Variants in CCL24 observed in about 807,000 individuals in gnomAD.
CCL24 encodes C-C motif chemokine 24.
Under a neutral mutation model 8.6 loss-of-function variants are expected in CCL24, and 6 were observed. The observed-to-expected ratio is 0.70, with a 90% CI of 0.38 to 1.38. The LOEUF (loss-of-function observed/expected upper bound fraction) is 1.38, where lower values mean the gene tolerates loss of function less well. Among genes scored for constraint, CCL24 ranks in the 40% most tolerant of loss-of-function variants. The probability of loss-of-function intolerance (pLI) is 0.02; values close to 1 mark genes in which losing one functional copy is unlikely to be tolerated. For missense variants in CCL24, 126 were observed against 147.1 expected (o/e 0.86, Z 0.74); for synonymous variants, 59 against 52.7 (o/e 1.12, Z -0.52).
intron 2 of CCL24, among the ~76,000 whole-genome samples, chr7:75,812,899 C>G (rs1246433011): frequency 1.3e-5 from 2 of 151,398 alleles, no homozygotes; most frequent in Admixed American, 1.3e-4. Context: ...CACTGCACTC[C>G]AGCTTGGGTG....
At position 75,811,641 on chromosome 7, in the gene CCL24, C is replaced by T; in HGVS notation, c.*155G>A. 1 of 646,114 alleles carries T rather than the reference C, an allele frequency of 1.5e-6. No homozygotes were observed. The highest frequency in any genetic ancestry group is 2.6e-6 in the Non-Finnish European group (1 of 391,410). The allele number at this position is 646,114 out of a possible 1,614,324, so 40.0% of individuals were successfully genotyped here. ...GCCCCCGGGAACCACATCACCTGCT[C>T]CCTCGGGTTTTTCATAGAAGAGACA... On this transcript the variant is annotated 3_prime_UTR_variant, in exon 3 of 3. Transcript: ENST00000222902.
intron 1 of CCL24, among the ~76,000 whole-genome samples, chr7:75,819,620 G>A (rs1390501990): frequency 2.6e-5 from 4 of 151,620 alleles, no homozygotes; most frequent in South Asian, 2.1e-4. Context: ...AAAAGAAGGG[G>A]GCTGTCATCT....
chr7:75,815,089 A>G (rs782383973), upstream of CCL24, among the ~76,000 whole-genome samples: 1 of 152,062 alleles, frequency 6.6e-6, no homozygotes, highest in Non-Finnish European at 1.5e-5. Context: ...CTGTAATCCC[A>G]ATGCTTTAGG....
intron 1 of CCL24, among the ~76,000 whole-genome samples, chr7:75,820,084 TCTTCCTCTTCTTCTTCTTCTTC>T (rs1804003365): frequency 2.1e-5 from 3 of 141,824 alleles, no homozygotes; most frequent in Admixed American, 7.6e-5. Flanking sequence ...TTCTTCTTCT[TCTTCCTCTTCTTCTTCTTCTTC>T]CTTCTTCTTC....
intron 1 of CCL24, among the ~76,000 whole-genome samples, chr7:75,822,184 C>T (rs1804065530): frequency 6.6e-6 from 1 of 152,106 alleles, no homozygotes; most frequent in African/African-American, 2.4e-5. Flanking sequence ...GAACTGGAAG[C>T]CCAGGGAGAT....
chr7:75,818,612 TAA>T (rs547441183), upstream of CCL24, among the ~76,000 whole-genome samples: 3 of 121,752 alleles, frequency 2.5e-5, no homozygotes, highest in Admixed American at 9.3e-5. Context: ...CCGGACTCTT[TAA>T]AAAAAAAAAA....
At chr7:75,822,939 C>T (rs962654015) in intron 1 of CCL24, among the ~76,000 whole-genome samples, 3 of 152,222 alleles carry the variant, frequency 2.0e-5, no homozygotes, top group African/African-American at 7.2e-5. Flanking sequence ...TGGGAAGGAA[C>T]CTATGCCCTT....
chr7:75,811,820 A>T lies in CCL24; in HGVS notation c.336T>A (p.Tyr112Ter). The T allele has an allele frequency of 6.2e-7, 1 of 1,613,350 alleles. No individual in the cohort carries two copies. The highest frequency in any genetic ancestry group is 8.5e-7 in the Non-Finnish European group (1 of 1,179,814). The change falls in exon 3 of 3, where the codon TAT becomes TAA. Residue 112 changes from tyrosine to a stop codon, truncating the protein, a stop_gained. Transcript: ENST00000222902. LOFTEE classifies it high-confidence loss of function. ...AVAVKGPVQRYPGNQTTC is the reference protein window; with the variant it reads ...AVAVKGPVQR ...ATTAGCAGGTGGTTTGGTTGCCAGG[A>T]TATCTCTGGACAGGGCCCTTGACAG...
chr7:75,821,869 A>G (rs1355962414), intron 1 of CCL24, among the ~76,000 whole-genome samples: 1 of 147,778 alleles, frequency 6.8e-6, no homozygotes, highest in Non-Finnish European at 1.5e-5. Flanking sequence ...CGGAGCTTGC[A>G]GTGAGCCGAG....
rs56657658 is a variant in CCL24, at chr7:75,811,147, TAAA to T, written c.*646_*648del. ...CCCAGTCCTCCACGTTCATTTCCTT[TAAA>T]AAAAAAAAAATTATGATTTTTTTTT... is the stretch of plus-strand genomic sequence containing the variant. On this transcript the variant is annotated 3_prime_UTR_variant, in exon 3 of 3. Transcript: ENST00000222902. Among the ~76,000 whole-genome samples, 3 of 146,044 alleles carry T rather than the reference TAAA, an allele frequency of 2.1e-5. No individual in the cohort carries two copies. Among genetic ancestry groups the T allele is most frequent in the East Asian group, 2.0e-4 (1 of 5,062 alleles).
chr7:75,814,236 G>C (rs1803837696), upstream of CCL24, among the ~76,000 whole-genome samples: 1 of 152,136 alleles, frequency 6.6e-6, no homozygotes, highest in Admixed American at 6.6e-5. Context: ...GGACTCTAAT[G>C]GGGAGACAGA....
In CCL24 at chr7:75,811,770, C is replaced by T. The variant is rs781855935; in HGVS notation, c.*26G>A. 2.5e-6 allele frequency: 4 copies of T among 1,603,956 alleles called. No homozygotes were observed. Among genetic ancestry groups the T allele is most frequent in the Admixed American group, 1.7e-5 (1 of 59,042 alleles). Reference sequence around the variant, plus strand: ...GCCCGCCAAGCAGCTCAGGCCCAAACTCAGGGCTGGAGGGCTGGGCGGGGA... The same window carrying T: ...GCCCGCCAAGCAGCTCAGGCCCAAATTCAGGGCTGGAGGGCTGGGCGGGGA... On this transcript the variant is annotated 3_prime_UTR_variant, in exon 3 of 3. Transcript: ENST00000222902.
rs782466627 is a variant in CCL24 at position 75,811,762 on chromosome 7, G to A, written c.*34C>T. ...CCCGAGTAGCCCGCCAAGCAGCTCA[G>A]GCCCAAACTCAGGGCTGGAGGGCTG... On this transcript the variant is annotated 3_prime_UTR_variant, in exon 3 of 3. Coordinates refer to ENST00000222902, the MANE Select transcript of CCL24 (RefSeq NM_002991.3). The A allele has an allele frequency of 6.3e-7, 1 of 1,596,522 alleles. No homozygotes were observed. The highest frequency in any genetic ancestry group is 1.3e-5 in the African/African-American group (1 of 74,588).
rs1489192577 is a variant in CCL24 at position 75,811,491 on chromosome 7, A to T, written c.*305T>A. Among the ~76,000 whole-genome samples, 1 of 151,944 alleles carries T rather than the reference A, an allele frequency of 6.6e-6. No individual in the cohort carries two copies. Among genetic ancestry groups the T allele is most frequent in the Non-Finnish European group, 1.5e-5 (1 of 67,970 alleles). On this transcript the variant is annotated 3_prime_UTR_variant, in exon 3 of 3. Coordinates refer to ENST00000222902, the MANE Select transcript of CCL24 (RefSeq NM_002991.3). ...GAGACTCCGTCTCAGAAAAAAAAAAAAAAGAAAAAGCATCAGAACCAGGTC... is the reference window on the plus strand; with the variant it reads ...GAGACTCCGTCTCAGAAAAAAAAAATAAAGAAAAAGCATCAGAACCAGGTC...
intron 1 of CCL24, among the ~76,000 whole-genome samples, chr7:75,820,013 A>AAAC (rs1554534766): frequency 2.9e-5 from 3 of 104,070 alleles, no homozygotes; most frequent in Non-Finnish European, 6.5e-5. Flanking sequence ...GGCTTTTAGT[A>AAAC]AACTACTTCT....
rs1803826350 is a variant in CCL24, at chr7:75,813,666, C to A, written c.50G>T (p.Cys17Phe). The A allele has an allele frequency of 6.2e-7, 1 of 1,613,882 alleles. No homozygotes were observed. The highest frequency in any genetic ancestry group is 1.3e-5 in the African/African-American group (1 of 74,938). Reference protein sequence around the residue: ...IVTSLLFLGVCAHHIIPTGSV... With the variant: ...IVTSLLFLGVFAHHIIPTGSV... ...ACCCGTAGGGATGATGTGGTGGGCACAGACACCAAGGAACAGAAGGCTGGT... is the reference window on the plus strand; with the variant it reads ...ACCCGTAGGGATGATGTGGTGGGCAAAGACACCAAGGAACAGAAGGCTGGT... The change falls in exon 1 of 3, where the codon TGT becomes TTT. Residue 17 changes from cysteine to phenylalanine, a missense_variant. Coordinates refer to ENST00000222902, the MANE Select transcript of CCL24 (RefSeq NM_002991.3).
chr7:75,819,157 G>T (rs1388220603), intron 1 of CCL24, among the ~76,000 whole-genome samples: 2 of 145,798 alleles, frequency 1.4e-5, no homozygotes, highest in Non-Finnish European at 3.0e-5. Flanking sequence ...AATCCCAGCT[G>T]CTCGGGAGGC....
Position 75,813,286 on chromosome 7 carries a change from T to C in CCL24, c.191+20A>G. ...CTGCCCCCACCCCTCTCCTGCCACG[T>C]GCCCATGAAGGATACCTACATCACT... On this transcript the variant is annotated intron_variant, in intron 2 of 2. Transcript: ENST00000222902. 1 of 1,461,180 alleles carries C rather than the reference T, an allele frequency of 6.8e-7. No homozygotes were observed. Among genetic ancestry groups the C allele is most frequent in the Non-Finnish European group, 9.6e-7 (1 of 1,042,910 alleles). 90.5% of individuals were successfully genotyped at this position (1,461,180 alleles called of 1,614,324 possible).
chr7:75,821,124 A>G (rs1036099315), intron 1 of CCL24, among the ~76,000 whole-genome samples: 1 of 152,326 alleles, frequency 6.6e-6, no homozygotes, highest in Admixed American at 6.5e-5. Flanking sequence ...TACCGAGGCC[A>G]CAGTGGAGAG....
Sources: allele counts gnomAD v4.1 joint callset (sites outside exome capture counted in the v4.1 genomes callset), GRCh38; gene constraint gnomAD v4.1.1; transcripts MANE v1.5; gene names NCBI Gene and HGNC (gene_info 2026-07-23, HGNC 2026-07-21).